Variants in ACSL6 observed in about 807,000 individuals in gnomAD.
ACSL6 encodes long-chain-fatty-acid--CoA ligase 6.
In ACSL6, 47 loss-of-function variants were observed where a neutral mutation model predicts 98.2. The ratio of observed to expected loss-of-function variants is 0.48; its 90% CI spans 0.38 to 0.61. The LOEUF (loss-of-function observed/expected upper bound fraction) is 0.61. Among genes scored for constraint, ACSL6 ranks in the 20% least tolerant of loss-of-function variants. ACSL6 has a pLI of 0.00. For synonymous variants in ACSL6, 362 were observed against 336.9 expected (o/e 1.07, Z -0.82); for missense variants, 761 against 913.4 (o/e 0.83, Z 2.15).
At position 131,989,512 on chromosome 5, in the gene ACSL6, C is replaced by T; in HGVS notation, c.451-4G>A. On this transcript the variant is annotated splice_region_variant and splice_polypyrimidine_tract_variant and intron_variant, in intron 4 of 20. Transcript: ENST00000651883. ...GAAATTCAGCCCTGTCGGCCACCTG[C>T]ACACAGATGTGGGGAAGTGATGGGA... 6.2e-7 allele frequency: 1 copy of T among 1,611,600 alleles called. No homozygotes were observed. Among genetic ancestry groups the T allele is most frequent in the Non-Finnish European group, 8.5e-7 (1 of 1,178,658 alleles).
chr5:131,981,322 T>TAA lies in ACSL6; in HGVS notation c.916+4083_916+4084dup, dbSNP rs56950797. Among the ~76,000 whole-genome samples the TAA allele has an allele frequency of 5.8e-3, 550 of 95,074 alleles. 4 individuals carry two copies. The highest frequency in any genetic ancestry group is 0.02 in the African/African-American group (482 of 24,194). The allele number at this position is 95,074 out of a possible 152,430, so 62.4% of individuals were successfully genotyped here. A position where few individuals can be genotyped will look rare whatever the true frequency, so the allele number is the denominator to read the frequency against. ...CTGCCATACCTTCATAGTCAACTAT[T>TAA]AAAAAAAAAAAAAAAAAAAAAAACA... is the stretch of plus-strand genomic sequence containing the variant. On this transcript the variant is annotated intron_variant, in intron 9 of 20. Transcript: ENST00000651883.
intron 9 of ACSL6, among the ~76,000 whole-genome samples, chr5:131,981,570 G>A (rs576470786): frequency 9.9e-5 from 15 of 152,212 alleles, no homozygotes; most frequent in African/African-American, 3.1e-4. Context: ...AATTAATCAC[G>A]TTTTATAATT....
chr5:131,996,730 T>C (rs1754812257), intron 1 of ACSL6, among the ~76,000 whole-genome samples: 1 of 152,242 alleles, frequency 6.6e-6, no homozygotes, highest in Non-Finnish European at 1.5e-5. Flanking sequence ...GTCATCCATC[T>C]GTCTTTCAAC....
chr5:131,985,410 T>C lies in ACSL6; in HGVS notation c.913A>G (p.Thr305Ala). The change falls in exon 9 of 21, where the codon ACA becomes GCA. Residue 305 changes from threonine to alanine, a missense_variant. By Grantham distance (58) the Thr-to-Ala change is moderately conservative (BLOSUM62 0). Coordinates refer to ENST00000651883, the MANE Select transcript of ACSL6 (RefSeq NM_001009185.3). ...GGATCTGCGTGCCTCTGCTTACCTG[T>C]CGTGCCGCTTGTGAAACACACAATG... ...LSIVCFTSGT[T>A]GNPKGAMLTH... is the part of the protein sequence containing the mutation. The C allele has an allele frequency of 1.2e-6, 2 of 1,614,038 alleles. No individual in the cohort carries two copies. Among genetic ancestry groups the C allele is most frequent in the Non-Finnish European group, 1.7e-6 (2 of 1,180,016 alleles).
chr5:131,973,507 CT>C, intron 11 of ACSL6, 107 bp from the exon 12 acceptor site: 3 of 1,223,836 alleles, frequency 2.5e-6, no homozygotes, highest in South Asian at 3.3e-5. Context: ...CCATGACCCC[CT>C]GACCCAGCTC....
Position 132,011,481 on chromosome 5 carries a change from G to A in ACSL6, c.49+24C>T, listed in dbSNP as rs772022688. On this transcript the variant is annotated intron_variant, in intron 1 of 20. Coordinates refer to ENST00000651883, the MANE Select transcript of ACSL6 (RefSeq NM_001009185.3). The surrounding 1 kb of genome is among the most constrained non-coding windows in gnomAD (Gnocchi z 5.4). ...TAGCCTGCGGGAGATGGGAGTCCGG[G>A]ACGCGGACAGGACGGGCACTTACCT... The A allele has an allele frequency of 4.1e-5, 66 of 1,608,234 alleles. No individual in the cohort carries two copies. The highest frequency in any genetic ancestry group is 6.7e-5 in the East Asian group (3 of 44,604).
intron 10 of ACSL6, chr5:131,975,307 G>A (rs1172399662): frequency 2.0e-6 from 2 of 985,318 alleles, no homozygotes; most frequent in Non-Finnish European, 2.4e-6. Context: ...GGGCTCCGCA[G>A]GGAAGTCTCC....
rs1580642520 is a variant in ACSL6, at chr5:131,969,995, T to G, written c.1507+133A>C. 7 of 757,348 alleles carry G rather than the reference T, an allele frequency of 9.2e-6. No individual in the cohort carries two copies. The East Asian group carries it at 1.7e-4, about 19-fold the overall frequency. 46.9% of individuals were successfully genotyped at this position (757,348 alleles called of 1,614,324 possible). A position where few individuals can be genotyped will look rare whatever the true frequency, so the allele number is the denominator to read the frequency against. On this transcript the variant is annotated intron_variant, in intron 15 of 20. Transcript: ENST00000651883. Reference sequence around the variant, plus strand: ...ACAACCCAGACATAACCACCATTAATGTTTTTTTCTGTCTCTTTTGCTTTA... The same window carrying G: ...ACAACCCAGACATAACCACCATTAAGGTTTTTTTCTGTCTCTTTTGCTTTA...
chr5:131,968,673 C>T (rs972219678), intron 15 of ACSL6, among the ~76,000 whole-genome samples: 7 of 152,160 alleles, frequency 4.6e-5, no homozygotes, highest in Non-Finnish European at 1.0e-4. Context: ...AAATTTACCA[C>T]AAAATTACAT....
chr5:131,974,367 A>G (rs553462998), intron 11 of ACSL6, among the ~76,000 whole-genome samples: 3 of 151,600 alleles, frequency 2.0e-5, no homozygotes. Flanking sequence ...CCCCAACTTT[A>G]CTCTTTTGTT....
At position 131,974,261 on chromosome 5, in the gene ACSL6, C is replaced by T. The variant is rs145739788; in HGVS notation, c.1068+632G>A. ...TGTCTCCATAATCACATATGGATTCCTCCTCCCACTCCCTCTGTACTTCCA... is the reference window on the plus strand; with the variant it reads ...TGTCTCCATAATCACATATGGATTCTTCCTCCCACTCCCTCTGTACTTCCA... On this transcript the variant is annotated intron_variant, in intron 11 of 20. Transcript: ENST00000651883. Among the ~76,000 whole-genome samples, 14 of 152,280 alleles carry T rather than the reference C, an allele frequency of 9.2e-5. No individual in the cohort carries two copies. The East Asian group carries it at 2.7e-3, about 29-fold the overall frequency.
intron 17 of ACSL6, among the ~76,000 whole-genome samples, chr5:131,963,769 C>G (rs1198557184): frequency 6.6e-6 from 1 of 152,180 alleles, no homozygotes; most frequent in Non-Finnish European, 1.5e-5. Context: ...AGTGCCAGAG[C>G]AATCTCTCCA....
chr5:131,965,060 C>G (rs773196683), intron 17 of ACSL6, among the ~76,000 whole-genome samples: 1 of 152,196 alleles, frequency 6.6e-6, no homozygotes, highest in Non-Finnish European at 1.5e-5. Context: ...ACTGGAGATA[C>G]ATCTTTGTCT....
rs1346688481 is a variant in ACSL6 at position 131,971,573 on chromosome 5, G to T, written c.1411C>A (p.Leu471Ile). 1 of 1,611,188 alleles carries T rather than the reference G, an allele frequency of 6.2e-7. No homozygotes were observed. Among genetic ancestry groups the T allele is most frequent in the Non-Finnish European group, 8.5e-7 (1 of 1,178,496 alleles). Residue 471 changes from leucine to isoleucine, a missense_variant, in exon 14 of 21, where the codon CTC becomes ATC. By Grantham distance (5) the Leu-to-Ile change is conservative. Coordinates refer to ENST00000651883, the MANE Select transcript of ACSL6 (RefSeq NM_001009185.3). ...APASPTVLGF[L>I]RAALGCQVYE... Reference sequence around the variant, plus strand: ...ACCTGGCACCCTAGAGCTGCCCGGAGAAATCCCAGAACTGTTGGTGATGCT... The same window carrying T: ...ACCTGGCACCCTAGAGCTGCCCGGATAAATCCCAGAACTGTTGGTGATGCT...
chr5:131,981,342 A>AC (rs1753884047), intron 9 of ACSL6, among the ~76,000 whole-genome samples: 1 of 151,904 alleles, frequency 6.6e-6, no homozygotes, highest in African/African-American at 2.4e-5. Context: ...AAAAAAAAAA[A>AC]AAACACAACT....
intron 17 of ACSL6, among the ~76,000 whole-genome samples, chr5:131,965,176 C>T (rs764745506): frequency 6.6e-6 from 1 of 152,180 alleles, no homozygotes; most frequent in Non-Finnish European, 1.5e-5. Flanking sequence ...CATTCACGTG[C>T]CTCATTAACT....
chr5:131,979,552 G>A (rs1753790197), intron 9 of ACSL6, among the ~76,000 whole-genome samples: 1 of 152,230 alleles, frequency 6.6e-6, no homozygotes, highest in Admixed American at 6.5e-5. Flanking sequence ...AAAAGTTCAT[G>A]TCCTTTAGTT....
At chr5:132,011,726 G>T, upstream of ACSL6, 1 of 1,300,498 alleles carries the variant, frequency 7.7e-7, no homozygotes, top group South Asian at 2.6e-5. The surrounding 1 kb of genome is among the most constrained non-coding windows in gnomAD (Gnocchi z 5.4). Flanking sequence ...TGCGGAGACG[G>T]CTCAAGGGGG....
intron 7 of ACSL6, among the ~76,000 whole-genome samples, chr5:131,987,324 C>T (rs1754250465): frequency 1.3e-5 from 2 of 152,236 alleles, no homozygotes; most frequent in South Asian, 4.1e-4. Flanking sequence ...GCTCAGGATG[C>T]AGCAGCTGGG....
Sources: gnomAD v4.1 joint callset for allele counts (sites outside exome capture counted in the v4.1 genomes callset) on GRCh38, gnomAD v4.1.1 for gene constraint, Gnocchi (gnomAD v3.1) non-coding constraint, MANE v1.5 for transcripts, NCBI Gene and HGNC (gene_info 2026-07-23, HGNC 2026-07-21) for gene names.